The following ADAMTS2 variants were observed in gnomAD, a reference collection of about 807,000 sequenced individuals.
The protein encoded by ADAMTS2 is ADAM metallopeptidase with thrombospondin type 1 motif 2.
ADAMTS2 carries 50 observed loss-of-function variants against 123.0 expected under a neutral mutation model. The ratio of observed to expected loss-of-function variants is 0.41; its 90% CI spans 0.32 to 0.51. The LOEUF is 0.51. ADAMTS2 is among the 20% of genes least tolerant of loss of function. The pLI is 0.35. For synonymous variants in ADAMTS2, 678 were observed against 695.4 expected (o/e 0.98, Z 0.39); for missense variants, 1,494 against 1,705.2 (o/e 0.88, Z 2.18).
chr5:179,251,887 T>C (rs1765934758), intron 3 of ADAMTS2, among the ~76,000 whole-genome samples: 1 of 152,114 alleles, frequency 6.6e-6, no homozygotes, highest in African/African-American at 2.4e-5. Flanking sequence ...CAGAATTACC[T>C]ATTTTTGACT....
At chr5:179,330,826 G>A (rs759823946) in intron 2 of ADAMTS2, among the ~76,000 whole-genome samples, 2 of 152,218 alleles carry the variant, frequency 1.3e-5, no homozygotes, top group Admixed American at 6.5e-5. Context: ...CCTATCTGAG[G>A]TGGAGGATGC....
intron 3 of ADAMTS2, among the ~76,000 whole-genome samples, chr5:179,230,808 C>T (rs187604442): frequency 9.3e-4 from 141 of 152,242 alleles, no homozygotes; most frequent in African/African-American, 3.2e-3. Context: ...GTCAGGAGTT[C>T]GAGACCAGGC....
intron 2 of ADAMTS2, among the ~76,000 whole-genome samples, chr5:179,325,945 T>C (rs1036731224): frequency 6.6e-6 from 1 of 152,148 alleles, no homozygotes; most frequent in Non-Finnish European, 1.5e-5. Flanking sequence ...ACCCTCCGGA[T>C]TCACTCCCAA....
intron 2 of ADAMTS2, among the ~76,000 whole-genome samples, chr5:179,318,112 C>G (rs1427926869): frequency 1.3e-5 from 2 of 152,192 alleles, no homozygotes; most frequent in Non-Finnish European, 2.9e-5. Flanking sequence ...AGGAGGAACA[C>G]AGCAGGCCAG....
chr5:179,335,642 T>C (rs1026933816), intron 2 of ADAMTS2, among the ~76,000 whole-genome samples: 14 of 152,216 alleles, frequency 9.2e-5, no homozygotes, highest in African/African-American at 3.4e-4. Flanking sequence ...ACCCATAAAA[T>C]AGACAGATGT....
At chr5:179,145,971 G>C (rs1274635621) in intron 10 of ADAMTS2, among the ~76,000 whole-genome samples, 1 of 152,136 alleles carries the variant, frequency 6.6e-6, no homozygotes, top group African/African-American at 2.4e-5. Flanking sequence ...TCCTGCTTCA[G>C]CCTCCTGAGT....
chr5:179,155,250 T>C lies in ADAMTS2; in HGVS notation c.1133-331A>G, dbSNP rs1414597634. ...CCTGACTTTCCTGCCTGCCGTTCTC[T>C]TTCACGCCACCTGCCTCTGCCCCCT... On this transcript the variant is annotated intron_variant, in intron 6 of 21. Coordinates refer to ENST00000251582, the MANE Select transcript of ADAMTS2 (RefSeq NM_014244.5). The surrounding 1 kb of genome is among the most constrained non-coding windows in gnomAD (Gnocchi z 5.1). 6.6e-6 allele frequency among the ~76,000 whole-genome samples: 1 copy of C among 152,176 alleles called. No homozygotes were observed. The highest frequency in any genetic ancestry group is 1.9e-4 in the East Asian group (1 of 5,186).
intron 3 of ADAMTS2, among the ~76,000 whole-genome samples, chr5:179,270,993 T>G (rs1049734293): frequency 1.3e-5 from 2 of 152,118 alleles, no homozygotes; most frequent in African/African-American, 4.8e-5. Context: ...CGACAGCCCA[T>G]TACCAAACCC....
At chr5:179,190,098 T>C (rs1185605137) in intron 4 of ADAMTS2, among the ~76,000 whole-genome samples, 1 of 152,206 alleles carries the variant, frequency 6.6e-6, no homozygotes, top group Admixed American at 6.5e-5. Context: ...TGGATGTATA[T>C]GTGCAGGTCA....
At chr5:179,207,313 C>A (rs539678379) in intron 4 of ADAMTS2, among the ~76,000 whole-genome samples, 200 bp downstream of exon 4, 1 of 152,182 alleles carries the variant, frequency 6.6e-6, no homozygotes, top group Non-Finnish European at 1.5e-5. Flanking sequence ...GATGTGCAGA[C>A]GAGAGAACTG....
rs768230986 is a variant in ADAMTS2, at chr5:179,154,058, C to T, written c.1373G>A (p.Arg458His). 154 of 1,602,454 alleles carry T rather than the reference C, an allele frequency of 9.6e-5. No homozygotes were observed. Among genetic ancestry groups the T allele is most frequent in the Admixed American group, 1.5e-4 (9 of 58,884 alleles). The change falls in exon 8 of 22, where the codon CGC becomes CAC. Residue 458 changes from arginine to histidine, a missense_variant. Around this residue, in one of 6 missense-constraint regions of ADAMTS2, gnomAD observed 953 missense variants for 1,124.7 expected, o/e 0.85. Transcript: ENST00000251582. ...WSRCSQQELS[R>H]YLHSYDCLLD... ...CATGGGCAGTACTCACTGCAGGTAG[C>T]GGCTCAGCTCCTGCTGGCTGCAGCG...
At chr5:179,123,868 T>C (rs10447302) in intron 19 of ADAMTS2, among the ~76,000 whole-genome samples, 30,728 of 152,190 alleles carry the variant, frequency 0.2, 3,811 homozygotes, top group Middle Eastern at 0.34. Flanking sequence ...ATACCAACAG[T>C]GATGGATGGG....
chr5:179,207,596 C>T lies in ADAMTS2; in HGVS notation c.808G>A (p.Val270Ile), dbSNP rs1764731900. 2 of 1,613,832 alleles carry T rather than the reference C, an allele frequency of 1.2e-6. No individual in the cohort carries two copies. The highest frequency in any genetic ancestry group is 8.5e-7 in the Non-Finnish European group (1 of 1,180,026). The change falls in exon 4 of 22, where the codon GTC becomes ATC. Residue 270 changes from valine to isoleucine, a missense_variant. Physicochemically the swap from Val to Ile is conservative, Grantham distance 29. Coordinates refer to ENST00000251582, the MANE Select transcript of ADAMTS2 (RefSeq NM_014244.5). The part of the protein sequence containing the change: ...HAADDDYNIE[V>I]LLGVDDSVVQ... ...ACAGAGTCATCCACGCCCAGCAGGACCTCGATGTTGTAGTCATCGTCCGCA... is the reference window on the plus strand; with the variant it reads ...ACAGAGTCATCCACGCCCAGCAGGATCTCGATGTTGTAGTCATCGTCCGCA...
At position 179,207,658 on chromosome 5, in the gene ADAMTS2, T is replaced by A. The variant is rs199630370; in HGVS notation, c.746A>T (p.His249Leu). ...LSRALGVLEE[H>L]ANSSRRRARR... ...TGCCCTCCGCCTCGAGCTGTTGGCG[T>A]GCTCCTCTAGGACGCCCAGGGCGCG... Residue 249 changes from histidine to leucine, a missense_variant, in exon 4 of 22, where the codon CAC (histidine) becomes CTC (leucine). By Grantham distance (99) the His-to-Leu change is moderately conservative. Transcript: ENST00000251582. 1.8e-5 allele frequency: 29 copies of A among 1,613,678 alleles called. No homozygotes were observed. The African/African-American group carries it at 3.7e-4, about 21-fold the overall frequency.
intron 13 of ADAMTS2, among the ~76,000 whole-genome samples, chr5:179,134,759 T>TCCAGCTCCCGGCTCCATCCC (rs1394677481): frequency 4.2e-5 from 4 of 94,422 alleles, no homozygotes; most frequent in Non-Finnish European, 6.5e-5. Context: ...CGGCTCCAGC[T>TCCAGCTCCCGGCTCCATCCC]CCAGCTCCCG....
At chr5:179,221,898 G>A (rs1765136221) in intron 3 of ADAMTS2, among the ~76,000 whole-genome samples, 1 of 152,162 alleles carries the variant, frequency 6.6e-6, no homozygotes, top group Non-Finnish European at 1.5e-5. Context: ...TGGGGCTGAG[G>A]AGCAGGCCTG....
intron 3 of ADAMTS2, among the ~76,000 whole-genome samples, chr5:179,269,359 AAAAG>A (rs1766463709): frequency 6.6e-6 from 1 of 151,964 alleles, no homozygotes; most frequent in African/African-American, 2.4e-5. Context: ...GGCAACTTAC[AAAAG>A]AAAGAGGTTT....
chr5:179,325,468 C>A (rs1344647666), intron 2 of ADAMTS2, among the ~76,000 whole-genome samples: 1 of 152,236 alleles, frequency 6.6e-6, no homozygotes, highest in Non-Finnish European at 1.5e-5. Context: ...TCCTCTGGGG[C>A]CCATCCTCTC....
In ADAMTS2 at chr5:179,139,987, G is replaced by A. The variant is rs758470555; in HGVS notation, c.1678C>T (p.Arg560Trp). 10 of 1,614,010 alleles carry A rather than the reference G, an allele frequency of 6.2e-6. No homozygotes were observed. The highest frequency in any genetic ancestry group is 4.5e-5 in the East Asian group (2 of 44,888). ...CIWLTPDILK[R>W]DGSWGAWSPF... ...CTCCAAGCGCCCCAGCTGCCGTCCC[G>A]TTTGAGGATGTCAGGTGTCAGCCAG... Residue 560 changes from arginine to tryptophan, a missense_variant, in exon 11 of 22, where the codon CGG (arginine) becomes TGG (tryptophan). Arg to Trp is a moderately radical substitution (Grantham distance 101). Around this residue, in one of 6 missense-constraint regions of ADAMTS2, gnomAD observed 953 missense variants for 1,124.7 expected, o/e 0.85. Coordinates refer to ENST00000251582, the MANE Select transcript of ADAMTS2 (RefSeq NM_014244.5).
Sources: gnomAD v4.1 joint callset for allele counts (sites outside exome capture counted in the v4.1 genomes callset) on GRCh38, gnomAD v4.1.1 for gene constraint, gnomAD v4.1.1 regional missense constraint, Gnocchi (gnomAD v3.1) non-coding constraint, MANE v1.5 for transcripts, NCBI Gene and HGNC (gene_info 2026-07-23, HGNC 2026-07-21) for gene names.